The following NIPBL variants were observed in gnomAD, a reference collection of about 807,000 sequenced individuals.
The protein encoded by NIPBL is nipped-B-like protein.
A neutral mutation model predicts 321.8 loss-of-function variants in NIPBL; 19 were observed. The observed-to-expected ratio is 0.06, with a 90% CI of 0.04 to 0.09. The LOEUF (loss-of-function observed/expected upper bound fraction) is 0.09. NIPBL is among the 10% of genes least tolerant of loss of function. The probability of loss-of-function intolerance (pLI) is 1.00; values close to 1 mark genes in which losing one functional copy is unlikely to be tolerated. For missense variants in NIPBL, 2,210 were observed against 3,327.0 expected, an observed-to-expected ratio of 0.66 and a Z score of 8.26; for synonymous variants, 1,106 against 1,114.1, an observed-to-expected ratio of 0.99 and a Z score of 0.14.
intron 1 of NIPBL, among the ~76,000 whole-genome samples, chr5:36,923,292 C>T (rs1040251093): frequency 6.6e-6 from 1 of 151,876 alleles, no homozygotes; most frequent in African/African-American, 2.4e-5. Context: ...GATGACAGAG[C>T]GAGACTCCAT....
intron 1 of NIPBL, among the ~76,000 whole-genome samples, chr5:36,893,736 G>T (rs929835129): frequency 2.0e-5 from 3 of 152,130 alleles, no homozygotes; most frequent in African/African-American, 7.2e-5. Context: ...GCATAAAGGA[G>T]CAAGGAATCA....
chr5:36,946,010 C>G (rs1739630239), intron 1 of NIPBL, among the ~76,000 whole-genome samples: 1 of 151,932 alleles, frequency 6.6e-6, no homozygotes, highest in African/African-American at 2.4e-5. Flanking sequence ...CACCTATTTC[C>G]TAAAAGGATT....
chr5:36,907,700 A>G (rs1747744435), intron 1 of NIPBL, among the ~76,000 whole-genome samples: 5 of 152,208 alleles, frequency 3.3e-5, no homozygotes, highest in Non-Finnish European at 7.4e-5. Flanking sequence ...GCAGTCCACA[A>G]TATTTATAAT....
intron 1 of NIPBL, among the ~76,000 whole-genome samples, chr5:36,894,260 A>G (rs1005891461): frequency 1.3e-5 from 2 of 152,178 alleles, no homozygotes; most frequent in Non-Finnish European, 2.9e-5. Flanking sequence ...GCTCAAGTTC[A>G]TCTGATATTG....
chr5:37,020,962 G>GT, intron 27 of NIPBL, 85 bp downstream of exon 27: 1 of 939,710 alleles, frequency 1.1e-6, no homozygotes, highest in Non-Finnish European at 1.8e-6. Flanking sequence ...ATCATTCATT[G>GT]TTGAGTACAG....
intron 1 of NIPBL, among the ~76,000 whole-genome samples, chr5:36,934,319 A>G (rs985529252): frequency 2.0e-5 from 3 of 152,138 alleles, no homozygotes; most frequent in Non-Finnish European, 4.4e-5. Flanking sequence ...AAATGATTTG[A>G]TAGAATGTAA....
At chr5:36,895,378 G>A (rs1047256449) in intron 1 of NIPBL, among the ~76,000 whole-genome samples, 1 of 152,138 alleles carries the variant, frequency 6.6e-6, no homozygotes, top group Non-Finnish European at 1.5e-5. Context: ...CTTGATGGAC[G>A]CATGGATTGT....
At chr5:37,011,687 A>G (rs997695038) in intron 21 of NIPBL, among the ~76,000 whole-genome samples, 1 of 152,144 alleles carries the variant, frequency 6.6e-6, no homozygotes, top group Non-Finnish European at 1.5e-5. Context: ...TATCATGAAT[A>G]TGTTTCTTTC....
chr5:36,995,675 A>G lies in NIPBL; in HGVS notation c.3175A>G (p.Ile1059Val). The G allele has an allele frequency of 6.2e-7, 1 of 1,613,728 alleles. No individual in the cohort carries two copies. Among genetic ancestry groups the G allele is most frequent in the Non-Finnish European group, 8.5e-7 (1 of 1,179,728 alleles). ...KELPPELLAE[I>V]ESTMPLCERV... ...ATTACCCCCTGAACTCCTGGCAGAAATTGAGTCCACCATGCCACTTTGTGA... is the reference window on the plus strand; with the variant it reads ...ATTACCCCCTGAACTCCTGGCAGAAGTTGAGTCCACCATGCCACTTTGTGA... Residue 1059 changes from isoleucine (I) to valine (V), a missense_variant, in exon 11 of 47, where the codon ATT (isoleucine) becomes GTT (valine). Coordinates refer to ENST00000282516, the MANE Select transcript of NIPBL (RefSeq NM_133433.4).
chr5:36,930,150 T>C (rs1296751599), intron 1 of NIPBL, among the ~76,000 whole-genome samples: 1 of 152,094 alleles, frequency 6.6e-6, no homozygotes, highest in Non-Finnish European at 1.5e-5. Context: ...GTTGAATCTA[T>C]AGATCAATTT....
At chr5:36,914,253 G>A (rs1748279249) in intron 1 of NIPBL, among the ~76,000 whole-genome samples, 1 of 152,212 alleles carries the variant, frequency 6.6e-6, no homozygotes, top group Non-Finnish European at 1.5e-5. Context: ...GTTGTTTGGT[G>A]AACTGTAAAT....
chr5:37,024,531 A>C (rs1018441529), intron 29 of NIPBL, 54 bp from the exon 30 acceptor site: 1 of 1,480,968 alleles, frequency 6.8e-7, no homozygotes. Flanking sequence ...TTCTAATTTC[A>C]TACACTAGGC....
chr5:36,968,498 G>A (rs1450167445), intron 6 of NIPBL, among the ~76,000 whole-genome samples: 1 of 152,226 alleles, frequency 6.6e-6, no homozygotes, highest in East Asian at 1.9e-4. Context: ...TAGCCTGGGA[G>A]GCGGAGCTTG....
At chr5:37,055,618 A>T (rs1463135030) in intron 42 of NIPBL, among the ~76,000 whole-genome samples, 1 of 152,112 alleles carries the variant, frequency 6.6e-6, no homozygotes, top group African/African-American at 2.4e-5. Flanking sequence ...TAATAGTCAG[A>T]TGCTACTGAG....
intron 1 of NIPBL, among the ~76,000 whole-genome samples, chr5:36,898,660 C>G (rs528029293): frequency 1.3e-5 from 2 of 151,928 alleles, no homozygotes; most frequent in South Asian, 4.2e-4. Flanking sequence ...TACAGGCATG[C>G]GCCATCACGC....
intron 6 of NIPBL, among the ~76,000 whole-genome samples, chr5:36,967,036 G>T (rs547300044): frequency 6.6e-6 from 1 of 151,800 alleles, no homozygotes; most frequent in Admixed American, 6.6e-5. Flanking sequence ...AAATATGGGG[G>T]ATATATGCAA....
chr5:36,959,080 G>A (rs748508153), intron 4 of NIPBL, among the ~76,000 whole-genome samples: 1 of 152,042 alleles, frequency 6.6e-6, no homozygotes, highest in Non-Finnish European at 1.5e-5. Flanking sequence ...TATGGTGTGC[G>A]CCTGTAGTCC....
intron 32 of NIPBL, 128 bp from the exon 33 acceptor site, chr5:37,036,251 A>G: frequency 4.2e-6 from 1 of 235,912 alleles, no homozygotes; most frequent in Non-Finnish European, 8.4e-6. Context: ...CAAATTGAAA[A>G]GTATGTTACT....
At chr5:36,930,976 G>A (rs1749731232) in intron 1 of NIPBL, among the ~76,000 whole-genome samples, 1 of 152,154 alleles carries the variant, frequency 6.6e-6, no homozygotes, top group Admixed American at 6.6e-5. Flanking sequence ...GTGTGTTCAT[G>A]AGGGATATTG....
Sources: gnomAD v4.1 joint callset for allele counts (sites outside exome capture counted in the v4.1 genomes callset) on GRCh38, gnomAD v4.1.1 for gene constraint, MANE v1.5 for transcripts, NCBI Gene and HGNC (gene_info 2026-07-23, HGNC 2026-07-21) for gene names.